The following PTPRT variants were observed in gnomAD, a reference collection of about 807,000 sequenced individuals.
PTPRT encodes protein tyrosine phosphatase receptor type T, also known as receptor-type tyrosine-protein phosphatase T.
In PTPRT, 56 loss-of-function variants were observed where a neutral mutation model predicts 176.8. That is an observed-to-expected ratio of 0.32 (90% CI 0.26 to 0.40). PTPRT has a LOEUF of 0.40. Ranked by LOEUF, PTPRT falls within the 10% of genes least tolerant of loss-of-function variation. The probability of loss-of-function intolerance (pLI) is 1.00; values close to 1 mark genes in which losing one functional copy is unlikely to be tolerated. For missense variants in PTPRT, 1,540 were observed against 1,908.2 expected, an observed-to-expected ratio of 0.81 and a Z score of 3.60; for synonymous variants, 783 against 739.0, an observed-to-expected ratio of 1.06 and a Z score of -0.96.
At chr20:42,689,461 G>A (rs2075756298) in intron 6 of PTPRT, among the ~76,000 whole-genome samples, 1 of 152,090 alleles carries the variant, frequency 6.6e-6, no homozygotes, top group African/African-American at 2.4e-5. Flanking sequence ...CTCATCCTTT[G>A]AGCCCACATG....
chr20:42,275,382 A>G lies in PTPRT; in HGVS notation c.2176+7107T>C, dbSNP rs533697313. Among the ~76,000 whole-genome samples the G allele has an allele frequency of 7.2e-5, 11 of 152,338 alleles. No homozygotes were observed. In the East Asian group the frequency reaches 1.5e-3, roughly 21 times the overall value. On this transcript the variant is annotated intron_variant, in intron 13 of 30. Coordinates refer to ENST00000373187, the MANE Select transcript of PTPRT (RefSeq NM_007050.6). ...CTTTAGAAGATGCAACTGCTTTGCA[A>G]TAACAGACTTGCGATCAAGTCGACT...
intron 16 of PTPRT, among the ~76,000 whole-genome samples, chr20:42,176,057 A>G (rs1416179528): frequency 1.3e-5 from 2 of 152,290 alleles, no homozygotes; most frequent in East Asian, 3.9e-4. Flanking sequence ...ATTGAATAAT[A>G]GTGAGATTAG....
At chr20:42,911,498 C>T (rs1978375698) in intron 1 of PTPRT, among the ~76,000 whole-genome samples, 1 of 152,130 alleles carries the variant, frequency 6.6e-6, no homozygotes, top group African/African-American at 2.4e-5. Context: ...TGCCTACTGG[C>T]ACCAGTGCAT....
chr20:42,486,628 CGG>C (rs1302282792), intron 7 of PTPRT, among the ~76,000 whole-genome samples: 1 of 152,104 alleles, frequency 6.6e-6, no homozygotes, highest in Non-Finnish European at 1.5e-5. Flanking sequence ...CCCAAAGCCA[CGG>C]GTTTACAGCA....
intron 2 of PTPRT, among the ~76,000 whole-genome samples, chr20:42,804,010 G>T (rs1398899216): frequency 6.6e-6 from 1 of 152,136 alleles, no homozygotes; most frequent in Admixed American, 6.5e-5. Flanking sequence ...TGTGCCAGGA[G>T]GTAGGAAATG....
chr20:43,088,167 TA>T (rs1203038427), intron 1 of PTPRT, among the ~76,000 whole-genome samples: 1 of 152,116 alleles, frequency 6.6e-6, no homozygotes, highest in African/African-American at 2.4e-5. Context: ...ATGTGCCAAT[TA>T]AAAAAATTTA....
chr20:42,573,967 C>T (rs1042059877), intron 7 of PTPRT, among the ~76,000 whole-genome samples: 14 of 152,016 alleles, frequency 9.2e-5, no homozygotes, highest in African/African-American at 3.4e-4. Context: ...CCAGGCTGGT[C>T]TTGAACTACT....
At chr20:42,907,647 G>A (rs540524882) in intron 1 of PTPRT, among the ~76,000 whole-genome samples, 25 of 152,232 alleles carry the variant, frequency 1.6e-4, no homozygotes, top group East Asian at 3.9e-4. Flanking sequence ...GGGCCGTGGC[G>A]TGAGAGAGCT....
chr20:42,812,519 A>G (rs188232865), intron 2 of PTPRT, among the ~76,000 whole-genome samples: 54 of 152,286 alleles, frequency 3.5e-4, no homozygotes, highest in African/African-American at 1.3e-3. Flanking sequence ...TTGGGAGGAT[A>G]TGGAGCAACT....
intron 23 of PTPRT, among the ~76,000 whole-genome samples, chr20:42,109,784 A>G (rs991783640): frequency 2.0e-5 from 3 of 152,208 alleles, no homozygotes; most frequent in Admixed American, 2.0e-4. Context: ...AATGCACGTG[A>G]CAGACCCAGC....
intron 15 of PTPRT, among the ~76,000 whole-genome samples, chr20:42,227,098 A>T (rs578030461): frequency 6.6e-6 from 1 of 151,920 alleles, no homozygotes; most frequent in Non-Finnish European, 1.5e-5. Context: ...CTGAAAATCA[A>T]TCAGACTCTG....
intron 8 of PTPRT, among the ~76,000 whole-genome samples, chr20:42,454,986 A>T (rs1484845935): frequency 6.6e-6 from 1 of 152,232 alleles, no homozygotes; most frequent in Non-Finnish European, 1.5e-5. Flanking sequence ...AAGTTGATGG[A>T]TGAACATCCC....
At chr20:42,058,587 A>G in the PTPRT span, among the ~76,000 whole-genome samples, 22 of 152,204 alleles carry the variant, frequency 1.4e-4, no homozygotes, top group Admixed American at 5.9e-4. Flanking sequence ...GAGTCTATGA[A>G]GAAAATGAGA....
intron 1 of PTPRT, among the ~76,000 whole-genome samples, chr20:43,078,738 A>G (rs1276666305): frequency 6.6e-6 from 1 of 152,194 alleles, no homozygotes; most frequent in Non-Finnish European, 1.5e-5. Context: ...GTAACCATCA[A>G]TCTGTTGTTA....
At position 42,315,723 on chromosome 20, in the gene PTPRT, T is replaced by C; in HGVS notation, c.2139A>G (p.Gly713=). ...ATGGCCTCCATGTGGCCATACTTACTCCATTGGCTTTGCTGAGTGCCTGGA... is the reference window on the plus strand; with the variant it reads ...ATGGCCTCCATGTGGCCATACTTACCCCATTGGCTTTGCTGAGTGCCTGGA... ...IYFQALSKAN[G]ETKINCVRLA... Residue 713 remains glycine, a splice_region_variant and synonymous_variant, in exon 12 of 31, where the codon GGA becomes GGG. Coordinates refer to ENST00000373187, the MANE Select transcript of PTPRT (RefSeq NM_007050.6). The C allele has an allele frequency of 2.5e-6, 4 of 1,613,612 alleles. No homozygotes were observed. Among genetic ancestry groups the C allele is most frequent in the Non-Finnish European group, 3.4e-6 (4 of 1,179,602 alleles).
intron 9 of PTPRT, among the ~76,000 whole-genome samples, chr20:42,438,135 G>A (rs1370013299): frequency 6.6e-6 from 1 of 152,184 alleles, no homozygotes; most frequent in Non-Finnish European, 1.5e-5. Context: ...CACACGCAGT[G>A]CAGCAAAATG....
At chr20:42,861,029 T>G (rs2078651808) in intron 2 of PTPRT, among the ~76,000 whole-genome samples, 1 of 152,234 alleles carries the variant, frequency 6.6e-6, no homozygotes, top group African/African-American at 2.4e-5. Flanking sequence ...CCCACCAACC[T>G]AGACATAGTG....
chr20:42,179,619 G>A (rs1990433073), intron 16 of PTPRT, among the ~76,000 whole-genome samples: 1 of 152,166 alleles, frequency 6.6e-6, no homozygotes, highest in Admixed American at 6.5e-5. Context: ...AAATTTTCAT[G>A]CTAAATAAAT....
At chr20:42,432,392 T>C (rs1327123593) in intron 9 of PTPRT, among the ~76,000 whole-genome samples, 7 of 152,244 alleles carry the variant, frequency 4.6e-5, no homozygotes, top group African/African-American at 1.4e-4. Flanking sequence ...ATATCTTTGG[T>C]ACTTTTGTAA....
Sources: gnomAD v4.1 joint callset for allele counts (sites outside exome capture counted in the v4.1 genomes callset) on GRCh38, gnomAD v4.1.1 for gene constraint, MANE v1.5 for transcripts, NCBI Gene and HGNC (gene_info 2026-07-23, HGNC 2026-07-21) for gene names.